LYSMD4: variants seen among roughly 807,000 people sequenced by gnomAD.
LYSMD4 encodes lysM and putative peptidoglycan-binding domain-containing protein 4.
In LYSMD4, 9 loss-of-function variants were observed where a neutral mutation model predicts 6.1. The ratio of observed to expected loss-of-function variants is 1.47; its 90% CI spans 0.88 to 2.56. LYSMD4 has a LOEUF of 2.56. LYSMD4 is among the 30% of genes most tolerant of loss of function. The pLI is 0.00. For synonymous variants in LYSMD4, 143 were observed against 148.5 expected (o/e 0.96, Z 0.27); for missense variants, 384 against 373.5 (o/e 1.03, Z -0.23).
rs963797493 is a variant in LYSMD4 at position 99,733,393 on chromosome 15, G to C, written c.-57C>G. On this transcript the variant is annotated 5_prime_UTR_variant, in exon 1 of 3. Coordinates refer to ENST00000684762, the MANE Select transcript of LYSMD4 (RefSeq NM_001284417.2). Reference sequence around the variant, plus strand: ...ACCGGCGACCGGCGACTCGCGACCCGCGACCCGCGACCCGCAGCTGCCACC... The same window carrying C: ...ACCGGCGACCGGCGACTCGCGACCCCCGACCCGCGACCCGCAGCTGCCACC... 4 of 395,718 alleles carry C rather than the reference G, an allele frequency of 1.0e-5. No individual in the cohort carries two copies. Among genetic ancestry groups the C allele is most frequent in the South Asian group, 1.3e-4 (1 of 7,836 alleles). 24.5% of individuals were successfully genotyped at this position (395,718 alleles called of 1,614,324 possible).
At chr15:99,717,592 C>CAGCTGTTGG (rs2059197646) in exon 1 of LYSMD4, 1 of 52,130 alleles carries the variant, frequency 1.9e-5, no homozygotes, top group South Asian at 8.9e-4. Context: ...GCCCTGATCC[C>CAGCTGTTGG]AGCTGTTGCA....
chr15:99,731,035 G>A (rs897318943), intron 2 of LYSMD4: 2 of 758,124 alleles, frequency 2.6e-6, no homozygotes, highest in Non-Finnish European at 2.1e-6. Flanking sequence ...ACACTTGTAG[G>A]AGAAAGAGAT....
chr15:99,726,875 G>A (rs776715450), downstream of LYSMD4, among the ~76,000 whole-genome samples: 1 of 152,182 alleles, frequency 6.6e-6, no homozygotes, highest in African/African-American at 2.4e-5. Flanking sequence ...ATTAAAGCCT[G>A]TATACAGATC....
At position 99,731,788 on chromosome 15, in the gene LYSMD4, A is replaced by C; in HGVS notation, c.212T>G (p.Val71Gly). ...GGCCAGCTCCCGCTGCAGCAGCACCACGTCACCTGCTCCCGCCTGGGGAGG... is the reference window on the plus strand; with the variant it reads ...GGCCAGCTCCCGCTGCAGCAGCACCCCGTCACCTGCTCCCGCCTGGGGAGG... The part of the protein sequence containing the change: ...HQPPQAGAGD[V>G]VLLQRELAQE... Residue 71 changes from valine (V) to glycine (G), a missense_variant, in exon 2 of 3, where the codon GTG becomes GGG. Transcript: ENST00000684762. 6.2e-7 allele frequency: 1 copy of C among 1,611,916 alleles called. No homozygotes were observed. Among genetic ancestry groups the C allele is most frequent in the Non-Finnish European group, 8.5e-7 (1 of 1,179,812 alleles).
Position 99,731,978 on chromosome 15 carries a change from T to C in LYSMD4, c.22A>G (p.Thr8Ala), listed in dbSNP as rs1597394757. The C allele has an allele frequency of 6.3e-7, 1 of 1,586,866 alleles. No individual in the cohort carries two copies. Among genetic ancestry groups the C allele is most frequent in the African/African-American group, 1.3e-5 (1 of 74,646 alleles). Reference sequence around the variant, plus strand: ...ACAGCTGGGCCTTGGAAGGTCTTGGTTAACAATTCCTCGTGCCTCATTTTC... The same window carrying C: ...ACAGCTGGGCCTTGGAAGGTCTTGGCTAACAATTCCTCGTGCCTCATTTTC... MRHEELL[T>A]KTFQGPAVVC... The change falls in exon 2 of 3, where the codon ACC becomes GCC. Residue 8 changes from threonine to alanine, a missense_variant. Physicochemically the swap from Thr to Ala is moderately conservative, Grantham distance 58. Coordinates refer to ENST00000684762, the MANE Select transcript of LYSMD4 (RefSeq NM_001284417.2).
intron 2 of LYSMD4, 67 bp from the exon 3 acceptor site, chr15:99,729,798 T>C: frequency 6.6e-7 from 1 of 1,508,056 alleles, no homozygotes; most frequent in Non-Finnish European, 8.8e-7. Flanking sequence ...TTCCAAAAAG[T>C]GGCTCTTAAT....
Position 99,733,342 on chromosome 15 carries a change from T to C in LYSMD4, c.-9+3A>G. 2.5e-6 allele frequency: 1 copy of C among 393,384 alleles called. No individual in the cohort carries two copies. Among genetic ancestry groups the C allele is most frequent in the Non-Finnish European group, 4.5e-6 (1 of 222,626 alleles). 24.4% of individuals were successfully genotyped at this position (393,384 alleles called of 1,614,324 possible). On this transcript the variant is annotated splice_donor_region_variant and intron_variant, in intron 1 of 2. Coordinates refer to ENST00000684762, the MANE Select transcript of LYSMD4 (RefSeq NM_001284417.2). ...CGCGGCCCCCTCGTCCAGGCCCCGGTACCTCAGCGCCCAGGCTCCGCCGCG... is the reference window on the plus strand; with the variant it reads ...CGCGGCCCCCTCGTCCAGGCCCCGGCACCTCAGCGCCCAGGCTCCGCCGCG...
At chr15:99,722,918 C>A (rs1212612175), downstream of LYSMD4, among the ~76,000 whole-genome samples, 1 of 152,126 alleles carries the variant, frequency 6.6e-6, no homozygotes, top group African/African-American at 2.4e-5. Flanking sequence ...GTAATCCCAG[C>A]TGCTTGGAAA....
intron 2 of LYSMD4, chr15:99,731,483 T>C (rs2059409700): frequency 6.3e-7 from 1 of 1,592,902 alleles, no homozygotes; most frequent in Admixed American, 1.9e-5. Context: ...AAGGAGAAGT[T>C]CCCTGCAGAG....
rs1254614085 is a variant in LYSMD4, at chr15:99,727,500, G to GC, written c.*1622dup. The stretch of plus-strand genomic sequence containing the variant: ...AGTGATTTTGTCATGGAACTCCAAG[G>GC]CCTGCCTGGTGAAGTGACAGTGACA... On this transcript the variant is annotated 3_prime_UTR_variant, in exon 3 of 3. Coordinates refer to ENST00000684762, the MANE Select transcript of LYSMD4 (RefSeq NM_001284417.2). 1 of 152,180 alleles carries GC rather than the reference G, an allele frequency of 6.6e-6. No individual in the cohort carries two copies. The highest frequency in any genetic ancestry group is 1.9e-4 in the East Asian group (1 of 5,200). 9.4% of individuals were successfully genotyped at this position (152,180 alleles called of 1,614,324 possible). A position where few individuals can be genotyped will look rare whatever the true frequency, so the allele number is the denominator to read the frequency against.
intron 1 of LYSMD4, among the ~76,000 whole-genome samples, chr15:99,732,534 TG>T (rs1378510037): frequency 6.6e-6 from 1 of 152,218 alleles, no homozygotes; most frequent in Non-Finnish European, 1.5e-5. Context: ...TCACAGTATG[TG>T]GGGCAAGCTA....
At chr15:99,716,767 A>C in exon 1 of LYSMD4, 1 of 449,464 alleles carries the variant, frequency 2.2e-6, no homozygotes, top group South Asian at 1.6e-5. Context: ...TGGCTGTTGC[A>C]TGCACAGTGC....
At chr15:99,717,566 C>T (rs952553586) in exon 1 of LYSMD4, 7 of 150,566 alleles carry the variant, frequency 4.6e-5, no homozygotes, top group African/African-American at 1.7e-4. Context: ...TGCTGAGCCC[C>T]GTCTGTGAGA....
chr15:99,731,522 G>A, intron 2 of LYSMD4, 196 bp downstream of exon 2: 1 of 1,564,324 alleles, frequency 6.4e-7, no homozygotes, highest in Non-Finnish European at 8.6e-7. Context: ...TCCCTCTTTG[G>A]GGGCCAGGGT....
downstream of LYSMD4, among the ~76,000 whole-genome samples, chr15:99,727,231 C>T (rs1307049597): frequency 6.6e-6 from 1 of 152,056 alleles, no homozygotes; most frequent in Non-Finnish European, 1.5e-5. Context: ...AAAAATCAGC[C>T]AGGCATGGTG....
At chr15:99,721,452 C>T (rs1269748448), upstream of LYSMD4, among the ~76,000 whole-genome samples, 6 of 152,236 alleles carry the variant, frequency 3.9e-5, no homozygotes, top group African/African-American at 1.4e-4. Flanking sequence ...AACAGGGAGC[C>T]TGGCACTTGA....
At chr15:99,719,993 CT>C (rs1567544918), upstream of LYSMD4, among the ~76,000 whole-genome samples, 1 of 151,958 alleles carries the variant, frequency 6.6e-6, no homozygotes, top group African/African-American at 2.4e-5. Flanking sequence ...AATTTCTGTT[CT>C]TTTTCTCATT....
chr15:99,724,766 C>T (rs567247336), downstream of LYSMD4, among the ~76,000 whole-genome samples: 1 of 152,326 alleles, frequency 6.6e-6, no homozygotes, highest in Admixed American at 6.5e-5. Flanking sequence ...GAGAAAGTCT[C>T]CCCCAGGTGT....
At chr15:99,718,939 A>C (rs140467697), upstream of LYSMD4, among the ~76,000 whole-genome samples, 5 of 147,112 alleles carry the variant, frequency 3.4e-5, no homozygotes, top group African/African-American at 5.1e-5. Context: ...ACACACACAC[A>C]CATCCATCCA....
Sources: gnomAD v4.1 joint callset for allele counts (sites outside exome capture counted in the v4.1 genomes callset) on GRCh38, gnomAD v4.1.1 for gene constraint, MANE v1.5 for transcripts, NCBI Gene and HGNC (gene_info 2026-07-23, HGNC 2026-07-21) for gene names.